Variants in NBPF8 observed in about 807,000 individuals in gnomAD.
NBPF8 encodes NBPF member 8.
intron 16 of NBPF8, among the ~76,000 whole-genome samples, chr1:120,456,467 A>G (rs1358956479): frequency 7.9e-6 from 1 of 127,034 alleles, no homozygotes; most frequent in Non-Finnish European, 1.6e-5. Flanking sequence ...GTGCATATAT[A>G]TTTAGGATAG....
At chr1:120,428,300 G>T (rs9442089) in intron 3 of NBPF8, among the ~76,000 whole-genome samples, 1 of 148,620 alleles carries the variant, frequency 6.7e-6, no homozygotes, top group African/African-American at 2.4e-5. Context: ...GTAGACAAAG[G>T]TTTTTCAACT....
intron 3 of NBPF8, among the ~76,000 whole-genome samples, chr1:120,428,743 C>T (rs1313635758): frequency 1.4e-5 from 2 of 147,476 alleles, no homozygotes; most frequent in African/African-American, 5.2e-5. Context: ...GCCTGTCAGT[C>T]TCTGTGTACT....
At chr1:120,452,545 G>T (rs1467914632) in intron 13 of NBPF8, among the ~76,000 whole-genome samples, 2 of 152,112 alleles carry the variant, frequency 1.3e-5, no homozygotes, top group Admixed American at 6.5e-5. Context: ...TCCCTTGATG[G>T]AAGGTGGTCT....
chr1:120,469,303 C>T (rs1661845974), downstream of NBPF8, among the ~76,000 whole-genome samples: 1 of 143,586 alleles, frequency 7.0e-6, no homozygotes, highest in Non-Finnish European at 1.5e-5. Flanking sequence ...CATTTGTTTC[C>T]CATTAGGCCT....
At chr1:120,415,320 G>A (rs769317566), upstream of NBPF8, among the ~76,000 whole-genome samples, 4 of 152,014 alleles carry the variant, frequency 2.6e-5, no homozygotes, top group Non-Finnish European at 5.9e-5. Context: ...TCCGGGACCC[G>A]CGGGTACACA....
At chr1:120,433,164 G>T (rs1381020322), upstream of NBPF8, 2 of 152,162 alleles carry the variant, frequency 1.3e-5, no homozygotes, top group African/African-American at 4.8e-5. Context: ...AATATTTCTA[G>T]TAGGAGATTT....
intron 2 of NBPF8, among the ~76,000 whole-genome samples, chr1:120,426,906 T>C (rs1223965766): frequency 6.8e-6 from 1 of 146,464 alleles, no homozygotes; most frequent in Non-Finnish European, 1.5e-5. Flanking sequence ...GAAATGGAGC[T>C]GGGCAAAATC....
chr1:120,428,025 T>G (rs1330231420), intron 3 of NBPF8, among the ~76,000 whole-genome samples, 178 bp downstream of exon 3: 1 of 152,258 alleles, frequency 6.6e-6, no homozygotes, highest in East Asian at 1.9e-4. Context: ...CTTTAGATAA[T>G]AATTTTATGG....
At position 120,449,437 on chromosome 1, in the gene NBPF8, G is replaced by A. The variant is rs1277063126; in HGVS notation, n.1971+35G>A. 4.1e-6 allele frequency: 6 copies of A among 1,473,348 alleles called. No homozygotes were observed. The East Asian group carries it at 9.0e-5, about 22-fold the overall frequency. The allele number at this position is 1,473,348 out of a possible 1,614,324, so 91.3% of individuals were successfully genotyped here. On this transcript the variant is annotated intron_variant and non_coding_transcript_variant, in intron 11 of 24. Coordinates refer to ENST00000583271, the Ensembl canonical transcript of NBPF8. ...ACAGGCTCACCATCATGAAAGTGAT[G>A]AATGATATCCTGTCTTCTCTCTGAG...
At chr1:120,464,829 T>A (rs1456221296) in intron 23 of NBPF8, among the ~76,000 whole-genome samples, 1 of 140,254 alleles carries the variant, frequency 7.1e-6, no homozygotes, top group African/African-American at 2.7e-5. Flanking sequence ...TTCAGAGAAC[T>A]ATGATTTTGA....
chr1:120,460,616 A>T, exon 18 of NBPF8: 1 of 1,375,564 alleles, frequency 7.3e-7, no homozygotes, highest in Non-Finnish European at 1.0e-6. Context: ...AAGAGGCAAC[A>T]GGTCCCAGGT....
intron 3 of NBPF8, among the ~76,000 whole-genome samples, chr1:120,431,062 G>A (rs2101565228): frequency 6.7e-6 from 1 of 148,452 alleles, no homozygotes; most frequent in Non-Finnish European, 1.5e-5. Flanking sequence ...AAGAATAATG[G>A]TGAATGAATT....
rs1447996959 is a variant in NBPF8, at chr1:120,461,368, C to G, written n.2951C>G. 75 of 1,058,466 alleles carry G rather than the reference C, an allele frequency of 7.1e-5. No homozygotes were observed. In the African/African-American group the frequency reaches 1.5e-3, roughly 21 times the overall value. 65.6% of individuals were successfully genotyped at this position (1,058,466 alleles called of 1,614,324 possible). ...AACTGACTGACTCATGCCAGCCCTA[C>G]AGAAGTGCGTTTTACATATTGGAGC... On this transcript the variant is annotated non_coding_transcript_exon_variant, in exon 19 of 25. Transcript: ENST00000583271.
chr1:120,432,607 CA>C (rs1277235280), upstream of NBPF8: 2 of 149,892 alleles, frequency 1.3e-5, no homozygotes, highest in Non-Finnish European at 3.0e-5. Flanking sequence ...CAAGACATTA[CA>C]GATGGATTTT....
intron 16 of NBPF8, among the ~76,000 whole-genome samples, chr1:120,456,408 T>C (rs1192320712): frequency 2.1e-5 from 3 of 145,698 alleles, no homozygotes; most frequent in Non-Finnish European, 3.0e-5. Context: ...TAAATCTCTT[T>C]GTAGGTCTCT....
rs1258129512 is a variant in NBPF8, at chr1:120,461,400, G to T, written n.2983G>T. 1.1e-5 allele frequency: 11 copies of T among 993,430 alleles called. 1 individual carries two copies. In the African/African-American group the frequency reaches 1.2e-4, roughly 11 times the overall value. The allele number at this position is 993,430 out of a possible 1,614,324, so 61.5% of individuals were successfully genotyped here. A position where few individuals can be genotyped will look rare whatever the true frequency, so the allele number is the denominator to read the frequency against. On this transcript the variant is annotated non_coding_transcript_exon_variant, in exon 19 of 25. Coordinates refer to ENST00000583271, the Ensembl canonical transcript of NBPF8. Reference sequence around the variant, plus strand: ...GCGTTTTACATATTGGAGCAACAGCGTGTTGGCTTGGCTGTTGACATGGAT... The same window carrying T: ...GCGTTTTACATATTGGAGCAACAGCTTGTTGGCTTGGCTGTTGACATGGAT...
In NBPF8 at chr1:120,423,361, C is replaced by G. The variant is rs1178005418; in HGVS notation, n.270-2386C>G. 6.5e-5 allele frequency among the ~76,000 whole-genome samples: 7 copies of G among 107,570 alleles called. 3 individuals carry two copies. The allele number at this position is 107,570 out of a possible 152,430, so 70.6% of individuals were successfully genotyped here. A position where few individuals can be genotyped will look rare whatever the true frequency, so the allele number is the denominator to read the frequency against. On this transcript the variant is annotated intron_variant and non_coding_transcript_variant, in intron 1 of 28. Coordinates refer to the NBPF8 transcript ENST00000652355. ...TGGTTGTCCAGCTGTTCTAGCACCA[C>G]TAGTTGGAAAGGCTATCTTTGCTGC...
intron 1 of NBPF8, among the ~76,000 whole-genome samples, chr1:120,422,208 A>G (rs1553246071): frequency 6.6e-6 from 1 of 152,188 alleles, no homozygotes; most frequent in Non-Finnish European, 1.5e-5. Flanking sequence ...TGGTCCATTC[A>G]TTACAATTGA....
intron 17 of NBPF8, 128 bp downstream of exon 15, chr1:120,459,658 T>C (rs1183484790): frequency 3.0e-6 from 3 of 998,578 alleles, no homozygotes; most frequent in Non-Finnish European, 4.8e-6. Context: ...TATATATCAA[T>C]GTAGATTTCA....
Sources: allele counts gnomAD v4.1 joint callset (sites outside exome capture counted in the v4.1 genomes callset), GRCh38; gene constraint gnomAD v4.1.1; transcripts MANE v1.5; gene names NCBI Gene and HGNC (gene_info 2026-07-23, HGNC 2026-07-21).